Variants in RBFOX3 observed in about 807,000 individuals in gnomAD.
The protein encoded by RBFOX3 is RNA binding protein fox-1 homolog 3.
RBFOX3 carries 17 observed loss-of-function variants against 48.7 expected under a neutral mutation model. The ratio of observed to expected loss-of-function variants is 0.35; its 90% CI spans 0.24 to 0.52. The LOEUF is 0.52. Ranked by LOEUF, RBFOX3 falls within the 20% of genes least tolerant of loss-of-function variation. The pLI, the probability that RBFOX3 is intolerant of heterozygous loss-of-function variation, is 0.94. For synonymous variants in RBFOX3, 212 were observed against 209.5 expected, an observed-to-expected ratio of 1.01 and a Z score of -0.10; for missense variants, 382 against 497.5, an observed-to-expected ratio of 0.77 and a Z score of 2.21.
At chr17:79,551,591 T>G (rs2091166096) in intron 1 of RBFOX3, among the ~76,000 whole-genome samples, 1 of 151,828 alleles carries the variant, frequency 6.6e-6, no homozygotes, top group South Asian at 2.1e-4. Context: ...GGTGGATCCC[T>G]CATGAACGTC....
At chr17:79,186,782 C>T (rs539593058) in intron 4 of RBFOX3, among the ~76,000 whole-genome samples, 2 of 152,348 alleles carry the variant, frequency 1.3e-5, no homozygotes, top group East Asian at 1.9e-4. Context: ...CTCCTGGGCA[C>T]CACTATAAAT....
chr17:79,637,753 G>A, the RBFOX3 span, among the ~76,000 whole-genome samples: 1 of 98,608 alleles, frequency 1.0e-5, no homozygotes, highest in Non-Finnish European at 2.2e-5. Flanking sequence ...GAGGGGAGAG[G>A]AGAGGAGGGG....
intron 2 of RBFOX3, among the ~76,000 whole-genome samples, chr17:79,412,597 T>C (rs1312239409): frequency 6.6e-6 from 1 of 151,288 alleles, no homozygotes; most frequent in East Asian, 1.9e-4. Flanking sequence ...TGTGTATATA[T>C]GTGTGAAGGC....
intron 2 of RBFOX3, among the ~76,000 whole-genome samples, chr17:79,331,537 C>T (rs9911346): frequency 0.27 from 40,328 of 152,104 alleles, 5,851 homozygotes; most frequent in African/African-American, 0.4. Context: ...ATGTCCTGCC[C>T]GTGGCTCCAG....
intron 4 of RBFOX3, among the ~76,000 whole-genome samples, chr17:79,152,498 G>T (rs2169185): frequency 6.6e-6 from 1 of 151,840 alleles, no homozygotes; most frequent in African/African-American, 2.4e-5. Flanking sequence ...GGGTCACCCC[G>T]AACTTGGGAT....
At chr17:79,558,785 G>A (rs1428256994) in intron 1 of RBFOX3, among the ~76,000 whole-genome samples, 2 of 152,202 alleles carry the variant, frequency 1.3e-5, no homozygotes, top group Non-Finnish European at 2.9e-5. Context: ...AGGGAGAGAG[G>A]AGGGACCGAG....
At chr17:79,330,291 G>A (rs528095806) in intron 2 of RBFOX3, among the ~76,000 whole-genome samples, 2 of 152,282 alleles carry the variant, frequency 1.3e-5, no homozygotes, top group South Asian at 2.1e-4. Flanking sequence ...AGGGTTTGGG[G>A]TATCATGCTG....
intron 2 of RBFOX3, among the ~76,000 whole-genome samples, chr17:79,432,153 T>C (rs2068575917): frequency 6.6e-6 from 1 of 152,236 alleles, no homozygotes; most frequent in Admixed American, 6.5e-5. Context: ...GGCTGAGTAA[T>C]ATTCTCTGGC....
At chr17:79,139,633 G>T (rs904585706) in intron 4 of RBFOX3, among the ~76,000 whole-genome samples, 1 of 152,240 alleles carries the variant, frequency 6.6e-6, no homozygotes, top group African/African-American at 2.4e-5. Flanking sequence ...CTCTCCTGTG[G>T]GTGGGCACGT....
intron 2 of RBFOX3, among the ~76,000 whole-genome samples, chr17:79,450,791 G>C (rs954722859): frequency 6.6e-6 from 1 of 152,174 alleles, no homozygotes; most frequent in Non-Finnish European, 1.5e-5. Flanking sequence ...AGGGTAGCCT[G>C]CCAAGAAAAT....
In RBFOX3 at chr17:79,494,357, C is replaced by T. The variant is rs1319416916; in HGVS notation, c.-319-11759G>A. Among the ~76,000 whole-genome samples the T allele has an allele frequency of 7.2e-5, 11 of 152,126 alleles. No individual in the cohort carries two copies. In the East Asian group the frequency reaches 9.6e-4, roughly 13 times the overall value. On this transcript the variant is annotated intron_variant, in intron 1 of 14. Transcript: ENST00000693108. Reference sequence around the variant, plus strand: ...ACTGTCCCCCTCCACCCTTCCTCCCCGAGCTGTGAGGCCCTGGGCAAGTAG... The same window carrying T: ...ACTGTCCCCCTCCACCCTTCCTCCCTGAGCTGTGAGGCCCTGGGCAAGTAG...
intron 2 of RBFOX3, among the ~76,000 whole-genome samples, chr17:79,314,404 G>A (rs905672882): frequency 1.3e-5 from 2 of 152,136 alleles, no homozygotes; most frequent in Non-Finnish European, 2.9e-5. Context: ...GCTGGGAGGA[G>A]ACTGAGATCG....
intron 4 of RBFOX3, among the ~76,000 whole-genome samples, chr17:79,187,082 T>C (rs2612768): frequency 0.73 from 111,356 of 152,292 alleles, 41,240 homozygotes; most frequent in Admixed American, 0.8. Context: ...TGCTAAAAGG[T>C]GTGCAGGGGA....
chr17:79,348,768 C>T (rs932149614), intron 2 of RBFOX3, among the ~76,000 whole-genome samples: 3 of 151,578 alleles, frequency 2.0e-5, no homozygotes, highest in Non-Finnish European at 2.9e-5. Flanking sequence ...TTAGTAGGGA[C>T]GGGGTTTCAC....
chr17:79,228,762 T>C (rs560555431), intron 4 of RBFOX3, among the ~76,000 whole-genome samples: 1 of 152,304 alleles, frequency 6.6e-6, no homozygotes, highest in South Asian at 2.1e-4. Flanking sequence ...GGGGCATTGC[T>C]CTTTATTTCC....
intron 2 of RBFOX3, among the ~76,000 whole-genome samples, chr17:79,405,186 G>A (rs962128816): frequency 3.3e-5 from 5 of 152,060 alleles, no homozygotes; most frequent in East Asian, 1.9e-4. Context: ...TGACGGTGAC[G>A]GCTGCACCCC....
In RBFOX3 at chr17:79,361,336, C is replaced by T. The variant is rs1255788460; in HGVS notation, c.-174-53512G>A. Among the ~76,000 whole-genome samples the T allele has an allele frequency of 6.6e-6, 1 of 152,324 alleles. No individual in the cohort carries two copies. Among genetic ancestry groups the T allele is most frequent in the East Asian group, 1.9e-4 (1 of 5,196 alleles). Reference sequence around the variant, plus strand: ...GCTATCTGAGACGCTCATCGAGGTGCTTACCCGCTAACAGCTCTGTGCAGG... The same window carrying T: ...GCTATCTGAGACGCTCATCGAGGTGTTTACCCGCTAACAGCTCTGTGCAGG... On this transcript the variant is annotated intron_variant, in intron 2 of 14. Coordinates refer to ENST00000693108, the MANE Select transcript of RBFOX3 (RefSeq NM_001350451.2). The surrounding 1 kb of genome is among the most constrained non-coding windows in gnomAD (Gnocchi z 4.5).
rs1362048892 is a variant in RBFOX3, at chr17:79,299,269, T to C, written c.-74+8455A>G. Among the ~76,000 whole-genome samples, 3 of 151,972 alleles carry C rather than the reference T, an allele frequency of 2.0e-5. No individual in the cohort carries two copies. Among genetic ancestry groups the C allele is most frequent in the Non-Finnish European group, 4.4e-5 (3 of 67,998 alleles). ...AACCCCGGATGGCATCAGGCTCGGTTAGGGGCTGAGTTTTGTCCCCTCAAA... is the reference window on the plus strand; with the variant it reads ...AACCCCGGATGGCATCAGGCTCGGTCAGGGGCTGAGTTTTGTCCCCTCAAA... On this transcript the variant is annotated intron_variant, in intron 3 of 14. Coordinates refer to ENST00000693108, the MANE Select transcript of RBFOX3 (RefSeq NM_001350451.2). This position sits in a 1 kb window ranked among gnomAD's most constrained non-coding sequence, Gnocchi z 4.5.
At chr17:79,616,794 G>A in the RBFOX3 span, among the ~76,000 whole-genome samples, 4 of 152,156 alleles carry the variant, frequency 2.6e-5, no homozygotes, top group Admixed American at 6.5e-5. Flanking sequence ...ACTGTTTCAC[G>A]AAACACGCGG....
Sources: gnomAD v4.1 joint callset for allele counts (sites outside exome capture counted in the v4.1 genomes callset) on GRCh38, gnomAD v4.1.1 for gene constraint, Gnocchi (gnomAD v3.1) non-coding constraint, MANE v1.5 for transcripts, NCBI Gene and HGNC (gene_info 2026-07-23, HGNC 2026-07-21) for gene names.